Variants in PDE4D observed in about 807,000 individuals in gnomAD.
PDE4D encodes phosphodiesterase 4D, also known as 3',5'-cyclic-AMP phosphodiesterase 4D.
A neutral mutation model predicts 87.4 loss-of-function variants in PDE4D; 24 were observed. The ratio of observed to expected loss-of-function variants is 0.27; its 90% CI spans 0.20 to 0.39. The LOEUF is 0.39. Among genes scored for constraint, PDE4D ranks in the 10% least tolerant of loss-of-function variants. The probability of loss-of-function intolerance (pLI) is 1.00; values close to 1 mark genes in which losing one functional copy is unlikely to be tolerated. For missense variants in PDE4D, 714 were observed against 1,041.0 expected, an observed-to-expected ratio of 0.69 and a Z score of 4.32; for synonymous variants, 384 against 383.2, an observed-to-expected ratio of 1.00 and a Z score of -0.02.
intron 1 of PDE4D, among the ~76,000 whole-genome samples, chr5:60,453,423 A>G (rs969801632): frequency 1.3e-5 from 2 of 152,168 alleles, no homozygotes; most frequent in Admixed American, 1.3e-4. Context: ...ATTGCCAACA[A>G]TGCTTCAACA....
intron 1 of PDE4D, among the ~76,000 whole-genome samples, chr5:60,403,031 A>G (rs1741222229): frequency 6.6e-6 from 1 of 152,160 alleles, no homozygotes; most frequent in Non-Finnish European, 1.5e-5. Flanking sequence ...CAGAAGATCT[A>G]GTCTAATCCT....
intron 1 of PDE4D, among the ~76,000 whole-genome samples, chr5:60,295,307 C>T (rs1331471187): frequency 6.6e-6 from 1 of 152,194 alleles, no homozygotes; most frequent in Non-Finnish European, 1.5e-5. Flanking sequence ...ATAAAAGCTG[C>T]TTTACTTCTT....
rs191494859 is a variant in PDE4D at position 58,986,112 on chromosome 5, C to A, written c.1552+2381G>T. Among the ~76,000 whole-genome samples the A allele has an allele frequency of 3.1e-3, 477 of 152,298 alleles. 1 individual carries two copies. The highest frequency in any genetic ancestry group is 6.8e-3 in the Middle Eastern group (2 of 294). ...ACTTCCCTATGTCGCTGTGGTCACACAGAAAGGAGATCATTGCAATATTAC... is the reference window on the plus strand; with the variant it reads ...ACTTCCCTATGTCGCTGTGGTCACAAAGAAAGGAGATCATTGCAATATTAC... On this transcript the variant is annotated intron_variant, in intron 11 of 14. Transcript: ENST00000340635.
In PDE4D at chr5:60,185,936, G is replaced by GAAA. The variant is rs11451682; in HGVS notation, c.-89-252_-89-250dup. ...ATTCAACTCTACAGTTTTAGTGGCTGAAAAAAAAAAAAAACAGATATGATA... is the reference window on the plus strand; with the variant it reads ...ATTCAACTCTACAGTTTTAGTGGCTGAAAAAAAAAAAAAAAAACAGATATGATA... On this transcript the variant is annotated intron_variant, in intron 1 of 16. Coordinates refer to the PDE4D transcript ENST00000502484. Among the ~76,000 whole-genome samples, 226 of 139,320 alleles carry GAAA rather than the reference G, an allele frequency of 1.6e-3. 1 individual carries two copies. The highest frequency in any genetic ancestry group is 4.3e-3 in the African/African-American group (164 of 37,942). 91.4% of individuals were successfully genotyped at this position (139,320 alleles called of 152,430 possible).
chr5:59,754,518 T>C (rs1760933248), intron 1 of PDE4D, among the ~76,000 whole-genome samples: 1 of 152,152 alleles, frequency 6.6e-6, no homozygotes, highest in Admixed American at 6.5e-5. Context: ...TGCAGTGCTG[T>C]TGCCATCATG....
intron 1 of PDE4D, among the ~76,000 whole-genome samples, chr5:60,410,347 C>T (rs1442151358): frequency 6.6e-6 from 1 of 152,072 alleles, no homozygotes; most frequent in Non-Finnish European, 1.5e-5. Flanking sequence ...CCTCCCCTCC[C>T]CTACATACCA....
chr5:60,104,296 C>T (rs534582990), intron 2 of PDE4D, among the ~76,000 whole-genome samples: 250 of 152,306 alleles, frequency 1.6e-3, no homozygotes, highest in Non-Finnish European at 2.8e-3. Flanking sequence ...AAGGTGGCAG[C>T]GAGGCTGGGG....
chr5:60,224,425 A>G (rs772402830), intron 1 of PDE4D, among the ~76,000 whole-genome samples: 4 of 152,082 alleles, frequency 2.6e-5, no homozygotes, highest in Non-Finnish European at 5.9e-5. Context: ...ATTTTTAAGA[A>G]CTGGGTTGTG....
At chr5:59,000,403 T>C (rs1750249704) in intron 6 of PDE4D, among the ~76,000 whole-genome samples, 1 of 152,176 alleles carries the variant, frequency 6.6e-6, no homozygotes, top group Admixed American at 6.5e-5. Context: ...AGTTCTCCCC[T>C]CATCCAACAT....
chr5:59,391,633 G>A (rs1788262791), intron 1 of PDE4D, among the ~76,000 whole-genome samples: 1 of 152,096 alleles, frequency 6.6e-6, no homozygotes, highest in South Asian at 2.1e-4. Context: ...AAAGCCACTA[G>A]TAAGATGAAT....
chr5:59,750,850 T>A (rs1476304051), intron 1 of PDE4D, among the ~76,000 whole-genome samples: 2 of 150,504 alleles, frequency 1.3e-5, no homozygotes, highest in Non-Finnish European at 2.9e-5. Context: ...GTGGGAGGCC[T>A]CTTGAACCCA....
At chr5:59,082,885 C>T (rs1767024218) in intron 5 of PDE4D, among the ~76,000 whole-genome samples, 1 of 152,094 alleles carries the variant, frequency 6.6e-6, no homozygotes, top group African/African-American at 2.4e-5. Flanking sequence ...CTTAGGCTGC[C>T]TGCTTTCTAG....
intron 1 of PDE4D, among the ~76,000 whole-genome samples, chr5:59,872,235 C>A (rs1177433136): frequency 6.7e-6 from 1 of 149,504 alleles, no homozygotes; most frequent in Non-Finnish European, 1.5e-5. Context: ...CAATGCAAAA[C>A]CACTGATGGA....
intron 1 of PDE4D, among the ~76,000 whole-genome samples, chr5:60,278,218 T>TA (rs57254149): frequency 3.5e-4 from 52 of 149,528 alleles, no homozygotes; most frequent in South Asian, 2.1e-4. Flanking sequence ...TTTCAGCACA[T>TA]AAAAAAAAAT....
At chr5:60,399,165 A>G (rs1047002889) in intron 1 of PDE4D, among the ~76,000 whole-genome samples, 2 of 152,152 alleles carry the variant, frequency 1.3e-5, no homozygotes, top group Non-Finnish European at 2.9e-5. Context: ...TCACTTCTCC[A>G]ATCCAATTTC....
At chr5:60,140,988 G>A (rs573636777) in intron 2 of PDE4D, among the ~76,000 whole-genome samples, 8 of 152,208 alleles carry the variant, frequency 5.3e-5, no homozygotes, top group Non-Finnish European at 8.8e-5. Flanking sequence ...AGCCCCTTGC[G>A]GGATTAGAAC....
chr5:59,121,895 G>A (rs887710302), intron 5 of PDE4D, among the ~76,000 whole-genome samples: 57 of 152,104 alleles, frequency 3.7e-4, no homozygotes, highest in African/African-American at 1.4e-3. Context: ...TGCAATCCCA[G>A]CACTTTTGGA....
At chr5:59,861,229 G>A (rs1390848999) in intron 1 of PDE4D, among the ~76,000 whole-genome samples, 1 of 152,024 alleles carries the variant, frequency 6.6e-6, no homozygotes, top group African/African-American at 2.4e-5. Flanking sequence ...TTTTGATAAA[G>A]ACAATAACCT....
At chr5:59,100,648 T>C (rs908540378) in intron 5 of PDE4D, among the ~76,000 whole-genome samples, 1 of 152,216 alleles carries the variant, frequency 6.6e-6, no homozygotes, top group Non-Finnish European at 1.5e-5. Context: ...AATAGTTTGC[T>C]GAATGAATGA....
Sources: gnomAD v4.1 joint callset for allele counts (sites outside exome capture counted in the v4.1 genomes callset) on GRCh38, gnomAD v4.1.1 for gene constraint, MANE v1.5 for transcripts, NCBI Gene and HGNC (gene_info 2026-07-23, HGNC 2026-07-21) for gene names.